The following PRELID2 variants were observed in gnomAD, a reference collection of about 807,000 sequenced individuals.
The protein encoded by PRELID2 is PRELI domain-containing protein 2.
A neutral mutation model predicts 28.4 loss-of-function variants in PRELID2; 25 were observed. The ratio of observed to expected loss-of-function variants is 0.88; its 90% CI spans 0.64 to 1.23. The LOEUF is 1.23. PRELID2 is among the 50% of genes most tolerant of loss of function. PRELID2 has a pLI of 0.00. For missense variants in PRELID2, 201 were observed against 214.4 expected (o/e 0.94, Z 0.39); for synonymous variants, 76 against 71.6 (o/e 1.06, Z -0.31).
the PRELID2 span, among the ~76,000 whole-genome samples, chr5:145,441,469 A>G: frequency 2.4e-3 from 364 of 152,154 alleles, 2 homozygotes; most frequent in Non-Finnish European, 3.7e-3. Flanking sequence ...TATTTTCCAC[A>G]TTACAAACTG....
At chr5:145,609,629 G>A (rs1753582570) in intron 1 of PRELID2, among the ~76,000 whole-genome samples, 1 of 152,230 alleles carries the variant, frequency 6.6e-6, no homozygotes, top group Non-Finnish European at 1.5e-5. Context: ...AGCAGCTGTG[G>A]TATGTCTGGC....
chr5:145,740,883 T>C (rs1381772290), intron 1 of PRELID2, among the ~76,000 whole-genome samples: 1 of 98,390 alleles, frequency 1.0e-5, no homozygotes, highest in Non-Finnish European at 1.8e-5. Flanking sequence ...AATATATATG[T>C]ACATATATTT....
chr5:145,394,888 T>C, the PRELID2 span, among the ~76,000 whole-genome samples: 37 of 152,238 alleles, frequency 2.4e-4, no homozygotes, highest in African/African-American at 8.9e-4. Flanking sequence ...CGTCCTCAAA[T>C]ATCAAGATGT....
intron 5 of PRELID2, among the ~76,000 whole-genome samples, chr5:145,791,047 T>C (rs919155985): frequency 1.4e-4 from 21 of 152,022 alleles, no homozygotes; most frequent in African/African-American, 5.1e-4. Flanking sequence ...ACACTGCTAA[T>C]AAAGACATAC....
At chr5:145,745,668 C>G (rs993003662) in intron 1 of PRELID2, among the ~76,000 whole-genome samples, 5 of 152,022 alleles carry the variant, frequency 3.3e-5, no homozygotes, top group African/African-American at 1.2e-4. Context: ...TTGAGACCAG[C>G]CTAGCCAACA....
intron 1 of PRELID2, among the ~76,000 whole-genome samples, chr5:145,540,669 T>A (rs2126671138): frequency 6.6e-6 from 1 of 151,082 alleles, no homozygotes; most frequent in Non-Finnish European, 1.5e-5. Context: ...AGACCCATTT[T>A]TTCTAAGAAG....
chr5:145,231,866 A>C, the PRELID2 span, among the ~76,000 whole-genome samples: 1 of 152,044 alleles, frequency 6.6e-6, no homozygotes, highest in Middle Eastern at 3.2e-3. Context: ...TCCTCTATGG[A>C]GCAATGGAGG....
chr5:145,490,559 T>A (rs1752259792), intron 1 of PRELID2, among the ~76,000 whole-genome samples: 1 of 152,168 alleles, frequency 6.6e-6, no homozygotes, highest in African/African-American at 2.4e-5. Context: ...TCATATCCAT[T>A]CTAAGGCAGT....
intron 1 of PRELID2, among the ~76,000 whole-genome samples, chr5:145,598,305 C>T (rs572836009): frequency 1.3e-3 from 198 of 152,164 alleles, no homozygotes; most frequent in African/African-American, 4.5e-3. Context: ...GTGGAGAAAG[C>T]AGTCTAAGCA....
intron 1 of PRELID2, among the ~76,000 whole-genome samples, chr5:145,568,037 G>A (rs1000392466): frequency 1.3e-5 from 2 of 152,078 alleles, no homozygotes; most frequent in Non-Finnish European, 2.9e-5. Context: ...TTCTCCTTTG[G>A]AGGCCTGCTC....
At chr5:145,783,092 A>G (rs1034193467) in intron 5 of PRELID2, among the ~76,000 whole-genome samples, 1 of 152,222 alleles carries the variant, frequency 6.6e-6, no homozygotes, top group Non-Finnish European at 1.5e-5. Context: ...GTGCTCTAAC[A>G]CATCTGGAGC....
intron 1 of PRELID2, among the ~76,000 whole-genome samples, chr5:145,683,568 G>A (rs555479219): frequency 6.6e-6 from 1 of 152,114 alleles, no homozygotes; most frequent in Admixed American, 6.6e-5. Context: ...TCTCCTCTGT[G>A]TGCATGCATC....
chr5:145,607,413 T>A (rs1753521107), intron 1 of PRELID2, among the ~76,000 whole-genome samples: 1 of 152,184 alleles, frequency 6.6e-6, no homozygotes, highest in Admixed American at 6.5e-5. Context: ...ACCACTGCTT[T>A]AGCTGTGTCC....
intron 1 of PRELID2, among the ~76,000 whole-genome samples, chr5:145,670,651 C>G (rs1246079546): frequency 6.6e-6 from 1 of 152,142 alleles, no homozygotes; most frequent in East Asian, 1.9e-4. Flanking sequence ...CATCTCCATT[C>G]ATTCTCCCTC....
the PRELID2 span, among the ~76,000 whole-genome samples, chr5:145,440,345 A>G: frequency 1.3e-5 from 2 of 152,040 alleles, no homozygotes; most frequent in East Asian, 3.9e-4. Flanking sequence ...ACTATCAATC[A>G]TTTCTCTGAT....
At chr5:145,741,939 A>T (rs564946899) in intron 1 of PRELID2, among the ~76,000 whole-genome samples, 4,564 of 38,574 alleles carry the variant, frequency 0.12, 170 homozygotes, top group Middle Eastern at 0.25. Flanking sequence ...TTTATTATAA[A>T]TAAATAAATT....
At chr5:145,286,810 C>T in the PRELID2 span, among the ~76,000 whole-genome samples, 1 of 151,254 alleles carries the variant, frequency 6.6e-6, no homozygotes, top group East Asian at 1.9e-4. Flanking sequence ...CAACCTCTAC[C>T]TCCTGGATTC....
the PRELID2 span, among the ~76,000 whole-genome samples, chr5:145,409,750 GAA>G: frequency 1.0e-4 from 11 of 104,958 alleles, no homozygotes; most frequent in Middle Eastern, 5.7e-3. Context: ...CATCTCTACT[GAA>G]AAAAAAAAAA....
chr5:145,454,830 G>T, the PRELID2 span, among the ~76,000 whole-genome samples: 162 of 152,138 alleles, frequency 1.1e-3, 1 homozygote, highest in African/African-American at 3.6e-3. Context: ...GGGATTGTTT[G>T]CTTTTTTCTT....
Sources: allele counts gnomAD v4.1 joint callset (sites outside exome capture counted in the v4.1 genomes callset), GRCh38; gene constraint gnomAD v4.1.1; transcripts MANE v1.5; gene names NCBI Gene and HGNC (gene_info 2026-07-23, HGNC 2026-07-21).